Variants in PTPRD observed in about 807,000 individuals in gnomAD.
PTPRD encodes receptor-type tyrosine-protein phosphatase delta.
In PTPRD, 34 loss-of-function variants were observed where a neutral mutation model predicts 214.5. That is an observed-to-expected ratio of 0.16 (90% CI 0.12 to 0.21). The LOEUF (loss-of-function observed/expected upper bound fraction) is 0.21. Among genes scored for constraint, PTPRD ranks in the 10% least tolerant of loss-of-function variants. The pLI is 1.00. For synonymous variants in PTPRD, 1,128 were observed against 845.7 expected (o/e 1.33, Z -5.79); for missense variants, 2,545 against 2,398.7 (o/e 1.06, Z -1.27).
intron 9 of PTPRD, among the ~76,000 whole-genome samples, chr9:9,316,763 T>C (rs960459147): frequency 6.6e-6 from 1 of 152,118 alleles, no homozygotes; most frequent in Admixed American, 6.6e-5. Flanking sequence ...AATAACACAA[T>C]CAGATGCATT....
At chr9:9,583,975 A>G (rs2091402909) in intron 7 of PTPRD, among the ~76,000 whole-genome samples, 1 of 151,942 alleles carries the variant, frequency 6.6e-6, no homozygotes, top group East Asian at 1.9e-4. Flanking sequence ...TTTTTTGCCA[A>G]TTGGCAATTC....
chr9:9,185,366 C>T (rs575995727), intron 9 of PTPRD, among the ~76,000 whole-genome samples: 1 of 152,132 alleles, frequency 6.6e-6, no homozygotes, highest in African/African-American at 2.4e-5. Context: ...TAGAGTCAAA[C>T]ACACTCTATT....
At chr9:8,615,221 C>A (rs1182523524) in intron 14 of PTPRD, among the ~76,000 whole-genome samples, 1 of 151,496 alleles carries the variant, frequency 6.6e-6, no homozygotes, top group Non-Finnish European at 1.5e-5. Flanking sequence ...ATGTGTAACT[C>A]CCATTAGCGT....
intron 7 of PTPRD, among the ~76,000 whole-genome samples, chr9:9,705,127 A>G (rs895836840): frequency 1.3e-5 from 2 of 152,200 alleles, no homozygotes; most frequent in Non-Finnish European, 2.9e-5. Flanking sequence ...CTAGAAATTC[A>G]TCCTACATAC....
At chr9:9,746,019 T>C (rs2098454325) in intron 6 of PTPRD, among the ~76,000 whole-genome samples, 1 of 152,112 alleles carries the variant, frequency 6.6e-6, no homozygotes, top group African/African-American at 2.4e-5. Context: ...GCAAATGAAA[T>C]AAGATTTTAT....
intron 7 of PTPRD, among the ~76,000 whole-genome samples, chr9:9,675,794 A>G (rs2096917474): frequency 6.6e-6 from 1 of 152,060 alleles, no homozygotes; most frequent in South Asian, 2.1e-4. Context: ...CAATTCATTC[A>G]GTAAAATCAA....
intron 11 of PTPRD, among the ~76,000 whole-genome samples, chr9:9,012,254 G>C (rs771622783): frequency 9.2e-5 from 14 of 152,276 alleles, no homozygotes; most frequent in Non-Finnish European, 1.5e-4. Flanking sequence ...CTCCAGATGA[G>C]AACCAAGCCC....
At chr9:9,799,693 A>AG (rs2099026434) in intron 5 of PTPRD, 1 of 152,208 alleles carries the variant, frequency 6.6e-6, no homozygotes, top group African/African-American at 2.4e-5. Flanking sequence ...TAAGCATTAG[A>AG]GGAAGGTTAG....
At chr9:9,466,442 C>G (rs2094162027) in intron 8 of PTPRD, among the ~76,000 whole-genome samples, 1 of 152,066 alleles carries the variant, frequency 6.6e-6, no homozygotes, top group South Asian at 2.1e-4. Flanking sequence ...CTGCAGAGTA[C>G]AAATCACTGT....
At chr9:8,521,197 T>G in intron 20 of PTPRD, 80 bp downstream of exon 20, 1 of 1,474,128 alleles carries the variant, frequency 6.8e-7, no homozygotes, top group South Asian at 1.3e-5. Context: ...TTTTAGATTT[T>G]CAAGGATGGG....
intron 3 of PTPRD, among the ~76,000 whole-genome samples, chr9:10,072,364 T>C (rs2098038622): frequency 6.6e-6 from 1 of 152,074 alleles, no homozygotes; most frequent in Non-Finnish European, 1.5e-5. Flanking sequence ...CCAGAGTTGG[T>C]TCCTTCCAGT....
At chr9:10,481,242 G>C (rs1189655987) in intron 2 of PTPRD, among the ~76,000 whole-genome samples, 1 of 152,064 alleles carries the variant, frequency 6.6e-6, no homozygotes, top group Non-Finnish European at 1.5e-5. Flanking sequence ...AATGTCATTT[G>C]GGTGAGGGGC....
intron 11 of PTPRD, among the ~76,000 whole-genome samples, chr9:8,865,833 C>T (rs1184688265): frequency 6.6e-6 from 1 of 152,158 alleles, no homozygotes; most frequent in Non-Finnish European, 1.5e-5. Flanking sequence ...TCACTAATCA[C>T]AACACACACC....
intron 11 of PTPRD, among the ~76,000 whole-genome samples, chr9:9,011,228 A>G (rs1329762761): frequency 6.6e-6 from 1 of 152,026 alleles, no homozygotes; most frequent in African/African-American, 2.4e-5. Flanking sequence ...CCTCATTTAC[A>G]TGGTCTCACG....
intron 10 of PTPRD, among the ~76,000 whole-genome samples, chr9:9,144,687 A>C (rs1022487655): frequency 1.3e-5 from 2 of 152,090 alleles, no homozygotes; most frequent in African/African-American, 4.8e-5. Context: ...TGGGAGGGGG[A>C]GGTTGCAGTG....
chr9:8,525,234 C>A, intron 17 of PTPRD, 199 bp from the exon 18 acceptor site: 1 of 706,370 alleles, frequency 1.4e-6, no homozygotes, highest in Non-Finnish European at 2.5e-6. Flanking sequence ...TTTTTTACAT[C>A]ATCAATGCTA....
At chr9:9,901,847 GA>G (rs1333662805) in intron 5 of PTPRD, among the ~76,000 whole-genome samples, 1 of 152,162 alleles carries the variant, frequency 6.6e-6, no homozygotes, top group Non-Finnish European at 1.5e-5. Flanking sequence ...GTCAGAGCCA[GA>G]GAGCAAGAGC....
chr9:8,514,131 G>C (rs1359683143), intron 21 of PTPRD, among the ~76,000 whole-genome samples: 1 of 151,976 alleles, frequency 6.6e-6, no homozygotes, highest in Non-Finnish European at 1.5e-5. Context: ...CCTTCACTGA[G>C]TTATGATTCA....
At chr9:8,546,823 C>A (rs987537458) in intron 14 of PTPRD, among the ~76,000 whole-genome samples, 1 of 152,112 alleles carries the variant, frequency 6.6e-6, no homozygotes, top group African/African-American at 2.4e-5. Flanking sequence ...TTCTAAAGAA[C>A]TGATTTGTTA....
Sources: allele counts gnomAD v4.1 joint callset (sites outside exome capture counted in the v4.1 genomes callset), GRCh38; gene constraint gnomAD v4.1.1; transcripts MANE v1.5; gene names NCBI Gene and HGNC (gene_info 2026-07-23, HGNC 2026-07-21).